Variants in SLC44A5 observed in about 807,000 individuals in gnomAD.
The protein encoded by SLC44A5 is choline transporter-like protein 5.
In SLC44A5, 57 loss-of-function variants were observed where a neutral mutation model predicts 101.8. The ratio of observed to expected loss-of-function variants is 0.56; its 90% confidence interval spans 0.45 to 0.70. The LOEUF (loss-of-function observed/expected upper bound fraction) is 0.70, where lower values mean the gene tolerates loss of function less well. Ranked by LOEUF, SLC44A5 falls within the 30% of genes least tolerant of loss-of-function variation. SLC44A5 has a pLI of 0.00. For synonymous variants in SLC44A5, 281 were observed against 290.9 expected, an observed-to-expected ratio of 0.97 and a Z score of 0.35; for missense variants, 737 against 853.1, an observed-to-expected ratio of 0.86 and a Z score of 1.70.
the SLC44A5 span, among the ~76,000 whole-genome samples, chr1:75,700,106 A>C: frequency 6.6e-6 from 1 of 152,140 alleles, no homozygotes; most frequent in African/African-American, 2.4e-5. Context: ...ATGAGACAGA[A>C]AGTTAACAAG....
chr1:75,635,923 C>G, the SLC44A5 span, among the ~76,000 whole-genome samples: 2 of 151,766 alleles, frequency 1.3e-5, no homozygotes, highest in African/African-American at 4.8e-5. Flanking sequence ...TTATTTTTAA[C>G]TTGTTTAAAT....
chr1:75,688,144 A>G, the SLC44A5 span, among the ~76,000 whole-genome samples: 9 of 152,202 alleles, frequency 5.9e-5, no homozygotes, highest in African/African-American at 2.2e-4. Flanking sequence ...GAGATGCCAC[A>G]GTCTTTCCTG....
At chr1:75,633,325 C>T in the SLC44A5 span, among the ~76,000 whole-genome samples, 3 of 152,104 alleles carry the variant, frequency 2.0e-5, no homozygotes, top group Non-Finnish European at 4.4e-5. Context: ...TGGCCATTTT[C>T]ACGACATTGA....
chr1:75,687,176 C>G, the SLC44A5 span, among the ~76,000 whole-genome samples: 1 of 152,118 alleles, frequency 6.6e-6, no homozygotes, highest in Non-Finnish European at 1.5e-5. Context: ...TAGGTTTCAC[C>G]TAGGACCTCA....
At chr1:75,655,169 T>G in the SLC44A5 span, among the ~76,000 whole-genome samples, 1 of 152,166 alleles carries the variant, frequency 6.6e-6, no homozygotes, top group Admixed American at 6.5e-5. Context: ...AAATGACTAA[T>G]GACAAAAGTT....
chr1:75,357,490 A>G (rs1659167700), intron 3 of SLC44A5, among the ~76,000 whole-genome samples: 1 of 152,238 alleles, frequency 6.6e-6, no homozygotes, highest in African/African-American at 2.4e-5. Context: ...CTTGTGAAGC[A>G]GAAATACACA....
chr1:75,631,741 T>G, the SLC44A5 span, among the ~76,000 whole-genome samples: 6 of 151,830 alleles, frequency 4.0e-5, no homozygotes, highest in Non-Finnish European at 5.9e-5. Context: ...TTCACCATGT[T>G]GGCCAGGCCA....
At chr1:75,435,819 C>A (rs1408590451) in intron 2 of SLC44A5, among the ~76,000 whole-genome samples, 1 of 151,956 alleles carries the variant, frequency 6.6e-6, no homozygotes, top group African/African-American at 2.4e-5. Context: ...AAACCCATGT[C>A]TTTGTATTTT....
the SLC44A5 span, among the ~76,000 whole-genome samples, chr1:75,680,660 G>A: frequency 1.4e-3 from 213 of 150,722 alleles, no homozygotes; most frequent in Non-Finnish European, 1.7e-3. Flanking sequence ...GAGAAAGCAG[G>A]AAAGATCCAA....
At chr1:75,448,549 T>G (rs1330404223) in intron 2 of SLC44A5, among the ~76,000 whole-genome samples, 2 of 152,224 alleles carry the variant, frequency 1.3e-5, no homozygotes, top group Non-Finnish European at 2.9e-5. Flanking sequence ...ATTTAATGGT[T>G]TCTGCTACAC....
At chr1:75,503,918 G>A (rs1288245439) in intron 2 of SLC44A5, among the ~76,000 whole-genome samples, 2 of 152,122 alleles carry the variant, frequency 1.3e-5, no homozygotes, top group Non-Finnish European at 2.9e-5. Context: ...AAGACCTGAG[G>A]AAATGTAGGA....
At chr1:75,297,808 C>A (rs1654084967) in intron 5 of SLC44A5, among the ~76,000 whole-genome samples, 1 of 152,106 alleles carries the variant, frequency 6.6e-6, no homozygotes, top group African/African-American at 2.4e-5. Context: ...ACCCAGACGC[C>A]ACTTCATCCA....
At chr1:75,280,760 C>T (rs1007683849) in intron 5 of SLC44A5, among the ~76,000 whole-genome samples, 3 of 151,792 alleles carry the variant, frequency 2.0e-5, no homozygotes, top group African/African-American at 4.8e-5. Context: ...TTCCCCCCTT[C>T]ACCATGCATT....
At chr1:75,397,019 T>G (rs1337129193) in intron 2 of SLC44A5, among the ~76,000 whole-genome samples, 1 of 152,166 alleles carries the variant, frequency 6.6e-6, no homozygotes, top group Admixed American at 6.5e-5. Flanking sequence ...ACATTAGTCA[T>G]GAAAAACTTA....
the SLC44A5 span, among the ~76,000 whole-genome samples, chr1:75,683,114 T>G: frequency 6.6e-6 from 1 of 151,782 alleles, no homozygotes; most frequent in South Asian, 2.1e-4. Context: ...CAACAGGTGC[T>G]GGAGAGGATG....
At chr1:75,525,190 A>G (rs147909981) in intron 2 of SLC44A5, among the ~76,000 whole-genome samples, 1 of 152,324 alleles carries the variant, frequency 6.6e-6, no homozygotes. Flanking sequence ...CTAAGGTATT[A>G]ACCAACAAGT....
In SLC44A5 at chr1:75,541,491, C is replaced by G. The variant is rs763966949; in HGVS notation, c.-44G>C. 3 of 1,606,522 alleles carry G rather than the reference C, an allele frequency of 1.9e-6. No individual in the cohort carries two copies. The African/African-American group carries it at 4.0e-5, about 21-fold the overall frequency. On this transcript the variant is annotated 5_prime_UTR_variant, in exon 2 of 24. Coordinates refer to ENST00000370859, the MANE Select transcript of SLC44A5 (RefSeq NM_001130058.2). ...CTTCAGAAGTAGGCCTGAATCACTG[C>G]AAACTTGAGTTGCTTAGAAAAGAGT...
chr1:75,283,382 G>A (rs902464533), intron 5 of SLC44A5, among the ~76,000 whole-genome samples: 2 of 152,076 alleles, frequency 1.3e-5, no homozygotes, highest in African/African-American at 2.4e-5. Flanking sequence ...TGAGTTTTTT[G>A]TGGATTCTGG....
At position 75,604,755 on chromosome 1, in the gene SLC44A5, G is replaced by T. The variant is rs183427495; in HGVS notation, c.-70+6285C>A. On this transcript the variant is annotated intron_variant, in intron 1 of 23. Coordinates refer to ENST00000370859, the MANE Select transcript of SLC44A5 (RefSeq NM_001130058.2). ...TTCCTTGGTTAGAGGTGAAACCAAG[G>T]GGTGTGTGTGTATGTGTGTGTGTAC... is the stretch of plus-strand genomic sequence containing the variant. Among the ~76,000 whole-genome samples, 3 of 44,744 alleles carry T rather than the reference G, an allele frequency of 6.7e-5. No individual in the cohort carries two copies. In the East Asian group the frequency reaches 2.3e-3, roughly 34 times the overall value. The allele number at this position is 44,744 out of a possible 152,430, so 29.4% of individuals were successfully genotyped here.
Sources: allele counts gnomAD v4.1 joint callset (sites outside exome capture counted in the v4.1 genomes callset), GRCh38; gene constraint gnomAD v4.1.1; transcripts MANE v1.5; gene names NCBI Gene and HGNC (gene_info 2026-07-23, HGNC 2026-07-21).